CCDC178: variants seen among roughly 807,000 people sequenced by gnomAD.
CCDC178 encodes the protein coiled-coil domain-containing protein 178.
A neutral mutation model predicts 117.4 loss-of-function variants in CCDC178; 126 were observed. The ratio of observed to expected loss-of-function variants is 1.07; its 90% CI spans 0.93 to 1.24. The LOEUF is 1.24. Ranked by LOEUF, CCDC178 falls within the 50% of genes most tolerant of loss-of-function variation. The pLI, the probability that CCDC178 is intolerant of heterozygous loss-of-function variation, is 0.00. For synonymous variants in CCDC178, 283 were observed against 313.4 expected, an observed-to-expected ratio of 0.90 and a Z score of 1.02; for missense variants, 1,030 against 986.9, an observed-to-expected ratio of 1.04 and a Z score of -0.59.
intron 3 of CCDC178, among the ~76,000 whole-genome samples, chr18:33,410,164 A>C (rs1343452402): frequency 6.6e-6 from 1 of 152,226 alleles, no homozygotes; most frequent in African/African-American, 2.4e-5. Context: ...AAGTCATTCA[A>C]AGGAAAATCA....
intron 6 of CCDC178, among the ~76,000 whole-genome samples, chr18:33,363,401 A>C (rs1313766920): frequency 6.6e-6 from 1 of 152,062 alleles, no homozygotes; most frequent in African/African-American, 2.4e-5. Context: ...TTTTCTACAG[A>C]AATGAAAGTA....
At chr18:33,079,517 G>T (rs1210178533) in intron 21 of CCDC178, among the ~76,000 whole-genome samples, 1 of 152,100 alleles carries the variant, frequency 6.6e-6, no homozygotes. Context: ...GAAAATTTTT[G>T]CAAACTGCAC....
chr18:33,016,504 G>T (rs923867258), intron 21 of CCDC178, among the ~76,000 whole-genome samples: 1 of 151,748 alleles, frequency 6.6e-6, no homozygotes, highest in African/African-American at 2.4e-5. Context: ...TATTTTTGTT[G>T]GTAACTCTTT....
chr18:33,424,898 T>G (rs2064097670), intron 2 of CCDC178, among the ~76,000 whole-genome samples: 2 of 152,124 alleles, frequency 1.3e-5, no homozygotes, highest in South Asian at 4.1e-4. Context: ...GCCCATCCAC[T>G]CACTCCCCTC....
At chr18:33,085,100 AAT>A (rs2057358938) in intron 21 of CCDC178, among the ~76,000 whole-genome samples, 1 of 152,170 alleles carries the variant, frequency 6.6e-6, no homozygotes. Flanking sequence ...TACACTGTTT[AAT>A]ACCTATTATA....
intron 21 of CCDC178, among the ~76,000 whole-genome samples, chr18:33,012,227 A>T (rs376163628): frequency 2.2e-4 from 34 of 152,278 alleles, no homozygotes; most frequent in African/African-American, 8.2e-4. Context: ...ATTTTCCTGT[A>T]TTTTATTTTT....
intron 21 of CCDC178, among the ~76,000 whole-genome samples, chr18:32,994,774 T>G (rs191054192): frequency 1.2e-4 from 18 of 152,280 alleles, no homozygotes; most frequent in Non-Finnish European, 2.2e-4. Context: ...TTTAGAAGGC[T>G]GGAGGATTAG....
At chr18:33,270,604 A>G (rs2144782377) in intron 12 of CCDC178, among the ~76,000 whole-genome samples, 1 of 151,696 alleles carries the variant, frequency 6.6e-6, no homozygotes, top group Non-Finnish European at 1.5e-5. Flanking sequence ...CAAAATACAG[A>G]AAGAAAAGTA....
At chr18:33,070,375 A>T (rs767266517) in intron 21 of CCDC178, among the ~76,000 whole-genome samples, 2 of 152,122 alleles carry the variant, frequency 1.3e-5, no homozygotes, top group Non-Finnish European at 2.9e-5. Flanking sequence ...AGCCACATGA[A>T]TGAAACCGGA....
chr18:33,114,320 G>A (rs2057823075), intron 20 of CCDC178, among the ~76,000 whole-genome samples: 2 of 151,988 alleles, frequency 1.3e-5, no homozygotes, highest in Admixed American at 1.3e-4. Flanking sequence ...TGAGAATGCT[G>A]TGCAGGAGAG....
At chr18:33,373,007 C>G (rs1466672983) in intron 5 of CCDC178, among the ~76,000 whole-genome samples, 1 of 152,058 alleles carries the variant, frequency 6.6e-6, no homozygotes. Flanking sequence ...ATTTTCTTTC[C>G]AAAATGTAAC....
At chr18:33,277,339 G>A (rs1192195013) in intron 12 of CCDC178, among the ~76,000 whole-genome samples, 1 of 152,056 alleles carries the variant, frequency 6.6e-6, no homozygotes, top group African/African-American at 2.4e-5. Context: ...TCAACTAGAA[G>A]TACAAAACAA....
chr18:33,180,248 AT>A (rs1379789847), intron 20 of CCDC178, among the ~76,000 whole-genome samples: 5 of 151,718 alleles, frequency 3.3e-5, no homozygotes. Context: ...TAGGTATCTT[AT>A]TTTTTCTATT....
At chr18:33,209,310 T>C (rs959305983) in intron 20 of CCDC178, among the ~76,000 whole-genome samples, 3 of 152,000 alleles carry the variant, frequency 2.0e-5, no homozygotes, top group African/African-American at 4.8e-5. Context: ...TTATCTGAAG[T>C]TTGTGTATAT....
At chr18:33,165,934 A>G (rs544516965) in intron 20 of CCDC178, among the ~76,000 whole-genome samples, 1 of 152,290 alleles carries the variant, frequency 6.6e-6, no homozygotes, top group Admixed American at 6.5e-5. Flanking sequence ...CCAACCTAAT[A>G]TTTACAACAA....
rs147203127 is a variant in CCDC178, at chr18:33,013,885, C to A, written c.2389-39204G>T. ...AAGATCATGACTTATTTTAAAAATT[C>A]ATGTTTGCGGAGAAGCAGTTCTAAA... On this transcript the variant is annotated intron_variant, in intron 21 of 22. Transcript: ENST00000383096. 1.8e-3 allele frequency among the ~76,000 whole-genome samples: 277 copies of A among 152,302 alleles called. 2 individuals are homozygous for A. Among genetic ancestry groups the A allele is most frequent in the African/African-American group, 6.4e-3 (265 of 41,564 alleles).
chr18:33,197,598 G>A (rs2058945311), intron 20 of CCDC178, among the ~76,000 whole-genome samples: 2 of 149,842 alleles, frequency 1.3e-5, no homozygotes, highest in Admixed American at 1.3e-4. Context: ...TGAAACCTTT[G>A]TGGCCTACCA....
At chr18:33,279,998 C>G (rs1599096449) in intron 12 of CCDC178, among the ~76,000 whole-genome samples, 2 of 151,384 alleles carry the variant, frequency 1.3e-5, no homozygotes, top group Admixed American at 6.6e-5. Context: ...CCATAAAAAC[C>G]CTAGAAGGAA....
Position 33,222,829 on chromosome 18 carries a change from C to T in CCDC178, c.1932+277G>A, listed in dbSNP as rs2059253410. On this transcript the variant is annotated intron_variant, in intron 18 of 22. Coordinates refer to ENST00000383096, the MANE Select transcript of CCDC178 (RefSeq NM_001105528.4). ...CATGGCCATCACAGAAAGCAGTAGA[C>T]TTCTGCATGAATCCAATATCTAATT... 2.6e-5 allele frequency among the ~76,000 whole-genome samples: 4 copies of T among 151,892 alleles called. No individual in the cohort carries two copies. In the South Asian group the frequency reaches 8.3e-4, roughly 31 times the overall value.
Sources: allele counts gnomAD v4.1 joint callset (sites outside exome capture counted in the v4.1 genomes callset), GRCh38; gene constraint gnomAD v4.1.1; transcripts MANE v1.5; gene names NCBI Gene and HGNC (gene_info 2026-07-23, HGNC 2026-07-21).